Variants in STK32B observed in about 807,000 individuals in gnomAD.
STK32B encodes the protein serine/threonine-protein kinase 32B.
A neutral mutation model predicts 52.6 loss-of-function variants in STK32B; 43 were observed. That is an observed-to-expected ratio of 0.82 (90% confidence interval 0.64 to 1.05). The LOEUF is 1.05. Among genes scored for constraint, STK32B ranks in the 50% least tolerant of loss-of-function variants. The pLI, the probability that STK32B is intolerant of heterozygous loss-of-function variation, is 0.00. For missense variants in STK32B, 621 were observed against 534.6 expected (o/e 1.16, Z -1.59); for synonymous variants, 238 against 204.3 (o/e 1.17, Z -1.41).
intron 6 of STK32B, among the ~76,000 whole-genome samples, chr4:5,428,861 C>T (rs902432063): frequency 6.6e-6 from 1 of 152,122 alleles, no homozygotes; most frequent in Non-Finnish European, 1.5e-5. Flanking sequence ...CATTCTTATT[C>T]CTTGTTCTAA....
chr4:5,352,422 C>G (rs1733884813), intron 4 of STK32B, among the ~76,000 whole-genome samples: 1 of 151,856 alleles, frequency 6.6e-6, no homozygotes, highest in Admixed American at 6.6e-5. Context: ...TCTCAATAGA[C>G]TAGGCATAGA....
intron 1 of STK32B, among the ~76,000 whole-genome samples, chr4:5,055,255 A>G (rs1741955224): frequency 8.2e-6 from 1 of 121,760 alleles, no homozygotes; most frequent in Admixed American, 1.0e-4. Flanking sequence ...ATGCCTGGCT[A>G]ATTTTTAATT....
At chr4:5,352,618 A>T (rs6845757) in intron 4 of STK32B, among the ~76,000 whole-genome samples, 22,600 of 121,088 alleles carry the variant, frequency 0.19, 2,076 homozygotes, top group African/African-American at 0.34. Flanking sequence ...AGAAAGAAAT[A>T]AAAAAAAAAA....
intron 1 of STK32B, among the ~76,000 whole-genome samples, chr4:5,124,686 G>A (rs1715254238): frequency 6.6e-6 from 1 of 152,196 alleles, no homozygotes; most frequent in South Asian, 2.1e-4. Flanking sequence ...GTGTGTATGT[G>A]TGCACACATG....
At chr4:5,175,252 C>G (rs532347881) in intron 3 of STK32B, among the ~76,000 whole-genome samples, 2 of 152,228 alleles carry the variant, frequency 1.3e-5, no homozygotes, top group Non-Finnish European at 2.9e-5. Context: ...CTTCAAACTT[C>G]CACCTTCAGC....
intron 1 of STK32B, among the ~76,000 whole-genome samples, chr4:5,053,420 A>G (rs1001902655): frequency 3.9e-5 from 6 of 152,092 alleles, no homozygotes; most frequent in Non-Finnish European, 1.5e-5. Context: ...ATGCAGCATC[A>G]CCCTCAATTG....
At chr4:5,301,342 T>C (rs971896365) in intron 3 of STK32B, among the ~76,000 whole-genome samples, 3 of 152,120 alleles carry the variant, frequency 2.0e-5, no homozygotes, top group Admixed American at 1.3e-4. Context: ...CAGAAGATTG[T>C]TATTAGCTCT....
intron 6 of STK32B, among the ~76,000 whole-genome samples, chr4:5,428,181 G>A (rs986210280): frequency 2.6e-5 from 4 of 152,050 alleles, no homozygotes; most frequent in African/African-American, 9.7e-5. Flanking sequence ...GCCGACGCGG[G>A]CGGATCACAA....
chr4:5,198,155 C>G (rs1038890490), intron 3 of STK32B, among the ~76,000 whole-genome samples: 1 of 152,148 alleles, frequency 6.6e-6, no homozygotes, highest in African/African-American at 2.4e-5. Flanking sequence ...ACAATGGATA[C>G]TTCTCAAAGT....
At chr4:5,455,568 G>A (rs3821925) in intron 7 of STK32B, among the ~76,000 whole-genome samples, 92,868 of 151,972 alleles carry the variant, frequency 0.61, 28,608 homozygotes, top group East Asian at 0.7. Flanking sequence ...TCAAGGTGCA[G>A]CCAGTACAAG....
intron 4 of STK32B, among the ~76,000 whole-genome samples, chr4:5,358,844 G>A (rs571145961): frequency 6.6e-6 from 1 of 152,272 alleles, no homozygotes; most frequent in South Asian, 2.1e-4. Context: ...TAATAACAGA[G>A]ACAGGTAGTG....
intron 4 of STK32B, among the ~76,000 whole-genome samples, chr4:5,387,989 C>G (rs909338389): frequency 3.3e-5 from 5 of 152,180 alleles, no homozygotes; most frequent in Admixed American, 1.3e-4. Flanking sequence ...GGTGATCCCG[C>G]CCGCCTCAGC....
chr4:5,125,834 C>T (rs1197990741), intron 1 of STK32B, among the ~76,000 whole-genome samples: 1 of 152,192 alleles, frequency 6.6e-6, no homozygotes, highest in Non-Finnish European at 1.5e-5. Context: ...ACTCTGCCTC[C>T]TGTGGACCTC....
At chr4:5,486,672 C>T (rs935995726) in intron 11 of STK32B, among the ~76,000 whole-genome samples, 6 of 152,220 alleles carry the variant, frequency 3.9e-5, no homozygotes, top group East Asian at 3.9e-4. Flanking sequence ...TCTTCTGCGT[C>T]GCTCATGCTG....
At chr4:5,237,017 G>C (rs1392362696) in intron 3 of STK32B, among the ~76,000 whole-genome samples, 1 of 152,180 alleles carries the variant, frequency 6.6e-6, no homozygotes, top group Non-Finnish European at 1.5e-5. Flanking sequence ...CACTGATTTT[G>C]CTGCACAGGA....
At chr4:5,236,176 T>C (rs1457076071) in intron 3 of STK32B, among the ~76,000 whole-genome samples, 1 of 152,126 alleles carries the variant, frequency 6.6e-6, no homozygotes, top group Non-Finnish European at 1.5e-5. Flanking sequence ...AAGCTCACCC[T>C]ACACTGAGCT....
At chr4:5,075,335 G>A (rs1170464279) in intron 1 of STK32B, among the ~76,000 whole-genome samples, 1 of 152,026 alleles carries the variant, frequency 6.6e-6, no homozygotes, top group Non-Finnish European at 1.5e-5. Context: ...TTAATTTGGT[G>A]GATTTGAAAT....
chr4:5,166,768 T>G (rs1043180635), intron 2 of STK32B, among the ~76,000 whole-genome samples: 4 of 152,040 alleles, frequency 2.6e-5, no homozygotes, highest in East Asian at 1.9e-4. Context: ...ATCCCCCAGT[T>G]TGAGGTACTG....
At chr4:5,029,801 T>C in the STK32B span, among the ~76,000 whole-genome samples, 6 of 152,198 alleles carry the variant, frequency 3.9e-5, no homozygotes, top group African/African-American at 1.2e-4. Flanking sequence ...CACAGTAATA[T>C]GGTTAAATTT....
Sources: gnomAD v4.1 joint callset for allele counts (sites outside exome capture counted in the v4.1 genomes callset) on GRCh38, gnomAD v4.1.1 for gene constraint, MANE v1.5 for transcripts, NCBI Gene and HGNC (gene_info 2026-07-23, HGNC 2026-07-21) for gene names.